The following SV2C variants were observed in gnomAD, a reference collection of about 807,000 sequenced individuals.
The protein encoded by SV2C is solute carrier family 22 member B3.
A neutral mutation model predicts 79.7 loss-of-function variants in SV2C; 49 were observed. The ratio of observed to expected loss-of-function variants is 0.61; its 90% CI spans 0.49 to 0.78. The LOEUF is 0.78. SV2C is among the 30% of genes least tolerant of loss of function. The probability of loss-of-function intolerance (pLI) is 0.00; values close to 1 mark genes in which losing one functional copy is unlikely to be tolerated. For synonymous variants in SV2C, 334 were observed against 333.2 expected (o/e 1.00, Z -0.03); for missense variants, 833 against 912.9 (o/e 0.91, Z 1.13).
At chr5:75,932,170 C>T in the SV2C span, among the ~76,000 whole-genome samples, 2 of 152,224 alleles carry the variant, frequency 1.3e-5, no homozygotes, top group Non-Finnish European at 1.5e-5. Context: ...TGCAGGCTGG[C>T]CTCAGACACA....
chr5:75,890,964 T>C, the SV2C span, among the ~76,000 whole-genome samples: 1 of 152,052 alleles, frequency 6.6e-6, no homozygotes, highest in Admixed American at 6.6e-5. Flanking sequence ...AATCTCATTT[T>C]CTCCTCTGAG....
chr5:76,178,776 G>C (rs1163639223), intron 2 of SV2C, among the ~76,000 whole-genome samples: 3 of 152,168 alleles, frequency 2.0e-5, no homozygotes, highest in Admixed American at 1.3e-4. Flanking sequence ...TGGCAGATTG[G>C]ATTTGGGAAT....
intron 6 of SV2C, 99 bp downstream of exon 6, chr5:76,285,969 G>T: frequency 9.5e-7 from 1 of 1,055,550 alleles, no homozygotes. Context: ...AAGTCATACG[G>T]TCTTTGACAC....
intron 2 of SV2C, chr5:76,173,925 G>C: frequency 1.9e-6 from 3 of 1,584,244 alleles, no homozygotes; most frequent in Non-Finnish European, 2.6e-6. Flanking sequence ...AATGTGGACT[G>C]TGCTGTGATG....
chr5:75,974,023 A>T, the SV2C span, among the ~76,000 whole-genome samples: 1 of 152,200 alleles, frequency 6.6e-6, no homozygotes, highest in Admixed American at 6.5e-5. Context: ...TGCAAATGTA[A>T]TACTAATATC....
the SV2C span, among the ~76,000 whole-genome samples, chr5:75,887,478 A>C: frequency 6.6e-6 from 1 of 151,962 alleles, no homozygotes; most frequent in South Asian, 2.1e-4. Flanking sequence ...CTCCACTTTA[A>C]AGATGTTCTC....
At chr5:75,943,908 G>A in the SV2C span, among the ~76,000 whole-genome samples, 227 of 152,264 alleles carry the variant, frequency 1.5e-3, 2 homozygotes, top group African/African-American at 5.0e-3. Context: ...ATAGTCTGTG[G>A]AGTTGGGAGA....
chr5:76,272,867 C>A (rs1025799661), intron 4 of SV2C, among the ~76,000 whole-genome samples: 1 of 152,040 alleles, frequency 6.6e-6, no homozygotes, highest in East Asian at 1.9e-4. Context: ...TGTTATTATT[C>A]ATCCACAGAC....
At chr5:76,307,501 C>A (rs1748239560) in intron 12 of SV2C, among the ~76,000 whole-genome samples, 1 of 152,190 alleles carries the variant, frequency 6.6e-6, no homozygotes. Flanking sequence ...TGGCACTTAG[C>A]CTGAGTGACT....
chr5:76,223,440 CATACATATATATATATAT>C (rs1397470812), intron 4 of SV2C, among the ~76,000 whole-genome samples: 1 of 36,024 alleles, frequency 2.8e-5, no homozygotes, highest in East Asian at 1.1e-3. Flanking sequence ...TATATACATA[CATACATATATATATATAT>C]ATATATATAT....
At chr5:76,280,263 G>A (rs1456396376) in intron 4 of SV2C, among the ~76,000 whole-genome samples, 1 of 151,634 alleles carries the variant, frequency 6.6e-6, no homozygotes, top group East Asian at 1.9e-4. Flanking sequence ...GTGTTCATAT[G>A]TGTGTGTCAC....
chr5:75,929,506 C>T, the SV2C span, among the ~76,000 whole-genome samples: 2 of 151,918 alleles, frequency 1.3e-5, no homozygotes, highest in African/African-American at 2.4e-5. Flanking sequence ...TTAGGGAAAA[C>T]ATAAACAGTG....
intron 1 of SV2C, among the ~76,000 whole-genome samples, chr5:76,117,873 A>T (rs1201714053): frequency 6.6e-6 from 1 of 152,216 alleles, no homozygotes; most frequent in Non-Finnish European, 1.5e-5. Context: ...AAGAAACCTT[A>T]AAATAGACTA....
At position 76,222,592 on chromosome 5, in the gene SV2C, A is replaced by T. The variant is rs76124416; in HGVS notation, c.913+12705A>T. ...TAAAATAAAACAGAACTATATACAC[A>T]CATTGCACTAATGTCAGTTCCATGC... On this transcript the variant is annotated intron_variant, in intron 4 of 12. Transcript: ENST00000502798. Among the ~76,000 whole-genome samples, 1,119 of 152,322 alleles carry T rather than the reference A, an allele frequency of 7.3e-3. 16 individuals carry two copies. The highest frequency in any genetic ancestry group is 0.026 in the African/African-American group (1,066 of 41,570).
chr5:76,112,021 A>C (rs1170485677), intron 1 of SV2C, among the ~76,000 whole-genome samples: 2 of 152,176 alleles, frequency 1.3e-5, no homozygotes, highest in Non-Finnish European at 2.9e-5. Context: ...AAAAGTTTTA[A>C]CTTTGCTTAA....
chr5:75,890,164 A>G, the SV2C span, among the ~76,000 whole-genome samples: 8 of 152,150 alleles, frequency 5.3e-5, no homozygotes, highest in Non-Finnish European at 1.2e-4. Context: ...ATTACCCACA[A>G]TGTAGACTTT....
chr5:75,966,331 AC>A, the SV2C span, among the ~76,000 whole-genome samples: 1 of 152,202 alleles, frequency 6.6e-6, no homozygotes, highest in African/African-American at 2.4e-5. Context: ...AGGAAATCAT[AC>A]TTTTGGTAGT....
the SV2C span, among the ~76,000 whole-genome samples, chr5:75,880,504 C>T: frequency 1.3e-5 from 2 of 152,168 alleles, no homozygotes; most frequent in South Asian, 4.1e-4. Context: ...ATTTCAAGAT[C>T]CCTAAAACAT....
intron 10 of SV2C, 28 bp from the exon 11 acceptor site, chr5:76,300,701 T>A: frequency 6.2e-7 from 1 of 1,606,680 alleles, no homozygotes; most frequent in Non-Finnish European, 8.5e-7. Flanking sequence ...AAGAGCTTGA[T>A]GAATTGTCTT....
Sources: allele counts gnomAD v4.1 joint callset (sites outside exome capture counted in the v4.1 genomes callset), GRCh38; gene constraint gnomAD v4.1.1; transcripts MANE v1.5; gene names NCBI Gene and HGNC (gene_info 2026-07-23, HGNC 2026-07-21).